ELOVL6: variants seen among roughly 807,000 people sequenced by gnomAD.
ELOVL6 encodes ELOVL fatty acid elongase 6.
Under a neutral mutation model 31.7 loss-of-function variants are expected in ELOVL6, and 8 were observed. The ratio of observed to expected loss-of-function variants is 0.25; its 90% confidence interval spans 0.15 to 0.45. The LOEUF (loss-of-function observed/expected upper bound fraction) is 0.45, where lower values mean the gene tolerates loss of function less well. Ranked by LOEUF, ELOVL6 falls within the 20% of genes least tolerant of loss-of-function variation. The pLI is 1.00. For synonymous variants in ELOVL6, 101 were observed against 117.7 expected (o/e 0.86, Z 0.92); for missense variants, 126 against 326.4 (o/e 0.39, Z 4.73).
intron 2 of ELOVL6, among the ~76,000 whole-genome samples, chr4:110,082,394 C>G (rs1000669694): frequency 6.6e-6 from 1 of 151,438 alleles, no homozygotes; most frequent in Non-Finnish European, 1.5e-5. Context: ...CACATATACA[C>G]CATGGAATAC....
In ELOVL6 at chr4:110,136,663, A is replaced by T. The variant is rs1276733229; in HGVS notation, c.90-31035T>A. Among the ~76,000 whole-genome samples, 3 of 152,304 alleles carry T rather than the reference A, an allele frequency of 2.0e-5. No homozygotes were observed. The East Asian group carries it at 5.8e-4, about 29-fold the overall frequency. On this transcript the variant is annotated intron_variant, in intron 1 of 3. Transcript: ENST00000302274. Reference sequence around the variant, plus strand: ...ATGATCACAGTGAACATTATTTTACATTCTAAATAACTGGTGCAAGGTGAG... The same window carrying T: ...ATGATCACAGTGAACATTATTTTACTTTCTAAATAACTGGTGCAAGGTGAG...
At chr4:110,067,192 T>C (rs1364230367) in intron 2 of ELOVL6, among the ~76,000 whole-genome samples, 2 of 152,240 alleles carry the variant, frequency 1.3e-5, no homozygotes, top group Non-Finnish European at 2.9e-5. Context: ...AGTGTATAAC[T>C]TCACTTTTCC....
intron 1 of ELOVL6, chr4:110,147,148 G>T: frequency 6.0e-6 from 1 of 167,176 alleles, no homozygotes; most frequent in Non-Finnish European, 1.3e-5. Flanking sequence ...GATCCTTACT[G>T]AAAAGGAACA....
chr4:110,181,830 C>T lies in ELOVL6; in HGVS notation c.89+16417G>A, dbSNP rs369403682. 3.9e-5 allele frequency among the ~76,000 whole-genome samples: 6 copies of T among 152,192 alleles called. No individual in the cohort carries two copies. In the East Asian group the frequency reaches 7.7e-4, roughly 20 times the overall value. On this transcript the variant is annotated intron_variant, in intron 1 of 3. Transcript: ENST00000302274. ...TCACATTGCTCCCAAGCAGATCACA[C>T]ATACCAGGCTCTCTGGATCCACAGA...
chr4:110,121,139 T>C (rs965628063), intron 1 of ELOVL6, among the ~76,000 whole-genome samples: 1 of 152,176 alleles, frequency 6.6e-6, no homozygotes, highest in Non-Finnish European at 1.5e-5. Flanking sequence ...GAATGAGCCA[T>C]TCTGGGAGGA....
At chr4:110,084,574 A>T (rs1179051089) in intron 2 of ELOVL6, among the ~76,000 whole-genome samples, 3 of 46,560 alleles carry the variant, frequency 6.4e-5, no homozygotes, top group African/African-American at 3.4e-4. Context: ...ATATATATAT[A>T]TATATATATA....
intron 2 of ELOVL6, among the ~76,000 whole-genome samples, chr4:110,084,186 CATATAACTTATATGATATATATAACAT>C (rs1370015998): frequency 2.2e-5 from 1 of 45,218 alleles, no homozygotes; most frequent in Non-Finnish European, 3.5e-5. Context: ...ATATATATAA[CATATAACTTATATGATATATATAACAT>C]ATAACTTATA....
rs1013797766 is a variant in ELOVL6 at position 110,045,868 on chromosome 4, T to C, written c.*5470A>G. On this transcript the variant is annotated 3_prime_UTR_variant, in exon 4 of 4. Coordinates refer to ENST00000302274, the MANE Select transcript of ELOVL6 (RefSeq NM_024090.3). ...CAGTTTGATTTTAAATCAAAAGTTA[T>C]GATTTTATTTTTAATTTTAATACAC... 8 of 152,314 alleles carry C rather than the reference T, an allele frequency of 5.3e-5. No individual in the cohort carries two copies. The highest frequency in any genetic ancestry group is 5.2e-4 in the Admixed American group (8 of 15,304). The allele number at this position is 152,314 out of a possible 1,614,324, so 9.4% of individuals were successfully genotyped here.
intron 1 of ELOVL6, among the ~76,000 whole-genome samples, chr4:110,112,512 AG>A (rs1321053345): frequency 6.6e-6 from 1 of 152,224 alleles, no homozygotes; most frequent in Non-Finnish European, 1.5e-5. Flanking sequence ...AGAAAAAATC[AG>A]TTTTGAAGTT....
At chr4:110,132,742 A>G (rs1757704419) in intron 1 of ELOVL6, among the ~76,000 whole-genome samples, 1 of 152,254 alleles carries the variant, frequency 6.6e-6, no homozygotes, top group Admixed American at 6.5e-5. Flanking sequence ...TGGGAGGCTG[A>G]GGCAGGAAGA....
At chr4:110,055,602 C>T (rs17041301) in intron 3 of ELOVL6, among the ~76,000 whole-genome samples, 5,532 of 152,028 alleles carry the variant, frequency 0.036, 173 homozygotes, top group South Asian at 0.13. Context: ...TTTGGAAATC[C>T]CCAGGGTGTT....
chr4:110,061,041 C>T (rs1050422976), intron 2 of ELOVL6, among the ~76,000 whole-genome samples: 7 of 152,166 alleles, frequency 4.6e-5, no homozygotes, highest in Non-Finnish European at 1.0e-4. Flanking sequence ...TTGTAAGTAG[C>T]TTCTCTAAAG....
chr4:110,084,297 G>T (rs1448257536), intron 2 of ELOVL6, among the ~76,000 whole-genome samples: 5 of 93,030 alleles, frequency 5.4e-5, no homozygotes, highest in East Asian at 3.3e-4. Flanking sequence ...ACTTATATAT[G>T]ATATATAACA....
Position 110,047,019 on chromosome 4 carries a change from C to T in ELOVL6, c.*4319G>A, listed in dbSNP as rs1023850551. The T allele has an allele frequency of 1.3e-5, 2 of 152,170 alleles. No individual in the cohort carries two copies. Among genetic ancestry groups the T allele is most frequent in the East Asian group, 3.8e-4 (2 of 5,198 alleles). The allele number at this position is 152,170 out of a possible 1,614,324, so 9.4% of individuals were successfully genotyped here. The stretch of plus-strand genomic sequence containing the variant: ...TCAAAAGCTGTGGGAGACAATGACT[C>T]ACAGCATGAACATAGGCTTTACGAT... On this transcript the variant is annotated 3_prime_UTR_variant, in exon 4 of 4. Coordinates refer to ENST00000302274, the MANE Select transcript of ELOVL6 (RefSeq NM_024090.3).
intron 1 of ELOVL6, among the ~76,000 whole-genome samples, chr4:110,162,231 AACAG>A (rs746571566): frequency 1.1e-4 from 17 of 152,248 alleles, no homozygotes; most frequent in Non-Finnish European, 1.0e-4. Flanking sequence ...TTATAAAGGT[AACAG>A]ACAACCAAAA....
chr4:110,052,670 A>G (rs1489315771), intron 3 of ELOVL6, among the ~76,000 whole-genome samples: 1 of 152,206 alleles, frequency 6.6e-6, no homozygotes, highest in Non-Finnish European at 1.5e-5. Flanking sequence ...TTCACTGAAA[A>G]GTTTCAGGGC....
At chr4:110,052,410 A>G (rs1321528494) in intron 3 of ELOVL6, among the ~76,000 whole-genome samples, 1 of 152,256 alleles carries the variant, frequency 6.6e-6, no homozygotes, top group Non-Finnish European at 1.5e-5. Flanking sequence ...AAGGGGGACA[A>G]AAATCCTCTT....
intron 1 of ELOVL6, among the ~76,000 whole-genome samples, chr4:110,107,640 A>C (rs1756924217): frequency 6.6e-6 from 1 of 152,202 alleles, no homozygotes; most frequent in African/African-American, 2.4e-5. Context: ...CTCCTCTGGA[A>C]ATTACAAGGG....
intron 1 of ELOVL6, among the ~76,000 whole-genome samples, chr4:110,144,118 A>T (rs1455840418): frequency 6.6e-6 from 1 of 151,930 alleles, no homozygotes; most frequent in Non-Finnish European, 1.5e-5. Context: ...GAATTGACAT[A>T]GTAATTTCAT....
Sources: gnomAD v4.1 joint callset for allele counts (sites outside exome capture counted in the v4.1 genomes callset) on GRCh38, gnomAD v4.1.1 for gene constraint, MANE v1.5 for transcripts, NCBI Gene and HGNC (gene_info 2026-07-23, HGNC 2026-07-21) for gene names.